The following SRSF12 variants were observed in gnomAD, a reference collection of about 807,000 sequenced individuals.
SRSF12 encodes serine and arginine rich splicing factor 12.
A neutral mutation model predicts 34.1 loss-of-function variants in SRSF12; 21 were observed. The observed-to-expected ratio is 0.62, with a 90% CI of 0.44 to 0.89. The LOEUF (loss-of-function observed/expected upper bound fraction) is 0.89, where lower values mean the gene tolerates loss of function less well. Ranked by LOEUF, SRSF12 falls within the 40% of genes least tolerant of loss-of-function variation. The pLI is 0.00. For synonymous variants in SRSF12, 111 were observed against 110.8 expected (o/e 1.00, Z -0.01); for missense variants, 278 against 327.8 (o/e 0.85, Z 1.17).
chr6:89,115,621 T>A (rs1769254035), intron 1 of SRSF12, among the ~76,000 whole-genome samples: 1 of 146,546 alleles, frequency 6.8e-6, no homozygotes, highest in Non-Finnish European at 1.5e-5. Flanking sequence ...TGGGGTTTTC[T>A]TTTTTCTTTC....
intron 1 of SRSF12, among the ~76,000 whole-genome samples, chr6:89,114,543 T>TA (rs1414991780): frequency 1.3e-5 from 2 of 152,138 alleles, no homozygotes; most frequent in Non-Finnish European, 2.9e-5. Flanking sequence ...CAACAAATGT[T>TA]AGAGATTTCA....
At chr6:89,105,285 T>G in intron 3 of SRSF12, 25 bp from the exon 4 acceptor site, 8 of 1,590,778 alleles carry the variant, frequency 5.0e-6, no homozygotes, top group Non-Finnish European at 6.9e-6. Flanking sequence ...ACAAGACTTA[T>G]GACATAATTC....
chr6:89,099,699 C>A (rs1013459602), intron 4 of SRSF12, among the ~76,000 whole-genome samples: 3 of 152,008 alleles, frequency 2.0e-5, no homozygotes, highest in Non-Finnish European at 4.4e-5. Context: ...CCACGCCCAG[C>A]TAACTTTGTA....
chr6:89,098,985 C>A (rs1562191117), intron 4 of SRSF12, 38 bp from the exon 5 acceptor site: 1 of 1,553,324 alleles, frequency 6.4e-7, no homozygotes, highest in African/African-American at 1.4e-5. Context: ...ATATTTCACA[C>A]AAAATAAGAG....
At chr6:89,115,631 C>CT (rs760005395) in intron 1 of SRSF12, among the ~76,000 whole-genome samples, 2,402 of 128,958 alleles carry the variant, frequency 0.019, 47 homozygotes, top group African/African-American at 0.035. Context: ...TTTTTTCTTT[C>CT]TTTTTTTTTT....
chr6:89,111,740 CATT>C (rs1174131616), intron 1 of SRSF12, among the ~76,000 whole-genome samples: 4 of 152,082 alleles, frequency 2.6e-5, no homozygotes, highest in Non-Finnish European at 5.9e-5. Flanking sequence ...TGTCTTTCAT[CATT>C]AAGTATGATG....
chr6:89,107,355 T>C, intron 1 of SRSF12, 97 bp from the exon 2 acceptor site: 1 of 845,012 alleles, frequency 1.2e-6, no homozygotes. Flanking sequence ...AGAAAGAACA[T>C]CATCTAGACC....
intron 4 of SRSF12, among the ~76,000 whole-genome samples, chr6:89,099,997 A>G (rs1306935017): frequency 6.6e-6 from 1 of 152,228 alleles, no homozygotes; most frequent in Non-Finnish European, 1.5e-5. Context: ...GAGCCCAACC[A>G]GAAAATGGCT....
At chr6:89,103,460 C>T (rs1768628444) in intron 4 of SRSF12, among the ~76,000 whole-genome samples, 1 of 152,112 alleles carries the variant, frequency 6.6e-6, no homozygotes, top group African/African-American at 2.4e-5. Flanking sequence ...TCCCAAGTAG[C>T]TGGGATTACA....
At chr6:89,105,015 A>G (rs535908207) in intron 4 of SRSF12, 104 bp downstream of exon 4, 6 of 1,157,372 alleles carry the variant, frequency 5.2e-6, no homozygotes, top group South Asian at 4.2e-5. Context: ...ATGATCGCAC[A>G]CTACTGCACT....
At chr6:89,116,791 C>A (rs540828757) in intron 1 of SRSF12, among the ~76,000 whole-genome samples, 132 of 145,384 alleles carry the variant, frequency 9.1e-4, no homozygotes, top group African/African-American at 3.0e-3. Context: ...AAAAAAAAAA[C>A]TAAAAAATAA....
chr6:89,107,120 T>C (rs766292235), intron 2 of SRSF12, 34 bp downstream of exon 2: 1 of 1,548,988 alleles, frequency 6.5e-7, no homozygotes, highest in East Asian at 2.2e-5. Context: ...GCATATACAG[T>C]ATATTCACAT....
chr6:89,112,199 A>AG (rs1401653388), intron 1 of SRSF12, among the ~76,000 whole-genome samples: 3 of 152,082 alleles, frequency 2.0e-5, no homozygotes, highest in African/African-American at 7.2e-5. Flanking sequence ...TACAGGCATG[A>AG]GCCACCTCTC....
Position 89,117,861 on chromosome 6 carries a change from G to T in SRSF12, c.27C>A (p.Asn9Lys). 4 of 1,562,782 alleles carry T rather than the reference G, an allele frequency of 2.6e-6. No individual in the cohort carries two copies. Among genetic ancestry groups the T allele is most frequent in the Non-Finnish European group, 3.5e-6 (4 of 1,156,782 alleles). ...CGACGTTCCTGATGAACAGGGAGGT[G>T]TTGGGGGGCCTCGTGTAGCGAGACA... MSRYTRPPNTSLFIRNVAD... is the reference protein window; with the variant it reads MSRYTRPPKTSLFIRNVAD... The change falls in exon 1 of 5, where the codon AAC becomes AAA. Residue 9 changes from asparagine (N) to lysine (K), a missense_variant. Physicochemically the swap from Asn to Lys is moderately conservative, Grantham distance 94. Coordinates refer to ENST00000452027, the MANE Select transcript of SRSF12 (RefSeq NM_080743.5).
chr6:89,105,188 C>A lies in SRSF12; in HGVS notation c.347G>T (p.Ser116Ile). 6.2e-7 allele frequency: 1 copy of A among 1,612,266 alleles called. No homozygotes were observed. Among genetic ancestry groups the A allele is most frequent in the South Asian group, 1.1e-5 (1 of 90,788 alleles). The change falls in exon 4 of 5, where the codon AGC becomes ATC. Residue 116 changes from serine to isoleucine, a missense_variant. Ser to Ile is a moderately radical substitution (Grantham distance 142). Coordinates refer to ENST00000452027, the MANE Select transcript of SRSF12 (RefSeq NM_080743.5). ...PSDHRRSRSP[S>I]QRRTRSRSSS... ...ACTTCTACTTCGAGTTCTTCTTTGG[C>A]TGGGGCTTCTTGATCTCCTGTGATC...
At position 89,107,138 on chromosome 6, in the gene SRSF12, A is replaced by G. The variant is rs372600052; in HGVS notation, c.170+16T>C. On this transcript the variant is annotated intron_variant, in intron 2 of 4. Transcript: ENST00000452027. ...TATACAGTATATTCACATGCACACAATAAAATAAAGGATATTGAACATAAG... is the reference window on the plus strand; with the variant it reads ...TATACAGTATATTCACATGCACACAGTAAAATAAAGGATATTGAACATAAG... The G allele has an allele frequency of 7.5e-6, 12 of 1,609,170 alleles. No individual in the cohort carries two copies. The highest frequency in any genetic ancestry group is 2.7e-5 in the African/African-American group (2 of 74,848).
chr6:89,115,502 G>A (rs11961410), intron 1 of SRSF12, among the ~76,000 whole-genome samples: 5 of 151,326 alleles, frequency 3.3e-5, no homozygotes, highest in African/African-American at 1.2e-4. Flanking sequence ...GGTTGGTCTC[G>A]AACCCCTCAC....
chr6:89,106,350 T>A lies in SRSF12; in HGVS notation c.170+804A>T, dbSNP rs996777014. On this transcript the variant is annotated intron_variant, in intron 2 of 4. Coordinates refer to ENST00000452027, the MANE Select transcript of SRSF12 (RefSeq NM_080743.5). ...CTGGTCTCAAACTCCTGACCTGAGG[T>A]GATCCACCCGCCTCAGCCTCCCAAA... Among the ~76,000 whole-genome samples, 4 of 152,034 alleles carry A rather than the reference T, an allele frequency of 2.6e-5. No individual in the cohort carries two copies. The East Asian group carries it at 7.7e-4, about 29-fold the overall frequency.
intron 1 of SRSF12, among the ~76,000 whole-genome samples, chr6:89,116,631 C>A: frequency 6.6e-6 from 1 of 151,918 alleles, no homozygotes; most frequent in Non-Finnish European, 1.5e-5. Context: ...AAAAATTAGC[C>A]GGGTGTGGTG....
Sources: gnomAD v4.1 joint callset for allele counts (sites outside exome capture counted in the v4.1 genomes callset) on GRCh38, gnomAD v4.1.1 for gene constraint, MANE v1.5 for transcripts, NCBI Gene and HGNC (gene_info 2026-07-23, HGNC 2026-07-21) for gene names.